The following ADD1 variants were observed in gnomAD, a reference collection of about 807,000 sequenced individuals.
ADD1 encodes the protein alpha-adducin.
In ADD1, 24 loss-of-function variants were observed where a neutral mutation model predicts 80.5. The observed-to-expected ratio is 0.30, with a 90% confidence interval of 0.22 to 0.42. The LOEUF (loss-of-function observed/expected upper bound fraction) is 0.42. Among genes scored for constraint, ADD1 ranks in the 10% least tolerant of loss-of-function variants. The pLI, the probability that ADD1 is intolerant of heterozygous loss-of-function variation, is 1.00. For missense variants in ADD1, 948 were observed against 1,019.0 expected (o/e 0.93, Z 0.95); for synonymous variants, 373 against 393.8 (o/e 0.95, Z 0.63).
intron 13 of ADD1, among the ~76,000 whole-genome samples, chr4:2,913,483 T>C (rs924855994): frequency 2.0e-5 from 3 of 152,200 alleles, no homozygotes; most frequent in East Asian, 1.9e-4. Context: ...GAAAAGCCAA[T>C]GGGCCTCGAG....
At chr4:2,846,322 T>C (rs1365926826) in intron 1 of ADD1, among the ~76,000 whole-genome samples, 1 of 152,242 alleles carries the variant, frequency 6.6e-6, no homozygotes, top group African/African-American at 2.4e-5. Context: ...CTCTGTGGCA[T>C]AGTTTCACAG....
intron 10 of ADD1, among the ~76,000 whole-genome samples, chr4:2,907,031 G>C (rs1737174968): frequency 6.6e-6 from 1 of 152,198 alleles, no homozygotes; most frequent in Non-Finnish European, 1.5e-5. Context: ...GGAAGGCTCA[G>C]CATGCTGACG....
intron 1 of ADD1, among the ~76,000 whole-genome samples, chr4:2,849,727 C>A (rs2108777946): frequency 6.6e-6 from 1 of 152,302 alleles, no homozygotes; most frequent in African/African-American, 2.4e-5. Context: ...AAAATGTTTT[C>A]CCTCATCTGC....
At chr4:2,859,363 G>A (rs12509447) in intron 1 of ADD1, among the ~76,000 whole-genome samples, 27,547 of 152,066 alleles carry the variant, frequency 0.18, 2,949 homozygotes, top group South Asian at 0.4. Context: ...AATTATAGAA[G>A]ATAGTAGTCT....
At chr4:2,882,144 A>G in intron 3 of ADD1, 84 bp downstream of exon 3, 2 of 1,277,362 alleles carry the variant, frequency 1.6e-6, no homozygotes, top group African/African-American at 1.5e-5. Flanking sequence ...ATAAGTGGGC[A>G]TTTAACTGTA....
intron 13 of ADD1, among the ~76,000 whole-genome samples, chr4:2,912,116 C>G (rs1056430105): frequency 6.6e-6 from 1 of 152,202 alleles, no homozygotes; most frequent in Non-Finnish European, 1.5e-5. Context: ...GGGTGGAGCT[C>G]TTGTTCCACC....
chr4:2,926,298 G>T lies in ADD1; in HGVS notation c.2047+186G>T, dbSNP rs933942249. ...GGGTAACTCCAGGCAAAACAGATTT[G>T]TATGTGAGCTGTGACCAGGTAGGAA... is the stretch of plus-strand genomic sequence containing the variant. On this transcript the variant is annotated intron_variant, in intron 15 of 15. Coordinates refer to ENST00000683351, the MANE Select transcript of ADD1 (RefSeq NM_001354761.2). The surrounding 1 kb of genome is among the most constrained non-coding windows in gnomAD (Gnocchi z 5.0). The T allele has an allele frequency of 2.8e-6, 2 of 726,226 alleles. No individual in the cohort carries two copies. The highest frequency in any genetic ancestry group is 5.0e-6 in the Non-Finnish European group (2 of 403,484). The allele number at this position is 726,226 out of a possible 1,614,324, so 45.0% of individuals were successfully genotyped here.
rs1307601337 is a variant in ADD1, at chr4:2,850,077, A to G, written c.-21+6053A>G. Among the ~76,000 whole-genome samples, 4 of 152,318 alleles carry G rather than the reference A, an allele frequency of 2.6e-5. No homozygotes were observed. The East Asian group carries it at 7.7e-4, about 29-fold the overall frequency. On this transcript the variant is annotated intron_variant, in intron 1 of 15. Transcript: ENST00000683351. Reference sequence around the variant, plus strand: ...AAACACCCCAGATGTCCATCAGCTAATGAGTGGATCAACAAAATGTGGTCT... The same window carrying G: ...AAACACCCCAGATGTCCATCAGCTAGTGAGTGGATCAACAAAATGTGGTCT...
rs990465277 is a variant in ADD1, at chr4:2,927,117, G to A, written c.2047+1005G>A. ...GCAGAGGAGCGGATATTGGACCCTCGTAAAGCAGTGTGATGTTCACTCAGA... is the reference window on the plus strand; with the variant it reads ...GCAGAGGAGCGGATATTGGACCCTCATAAAGCAGTGTGATGTTCACTCAGA... On this transcript the variant is annotated intron_variant, in intron 15 of 15. Transcript: ENST00000683351. Among the ~76,000 whole-genome samples the A allele has an allele frequency of 5.9e-5, 9 of 152,340 alleles. No homozygotes were observed. The South Asian group carries it at 8.3e-4, about 14-fold the overall frequency.
chr4:2,910,874 G>C (rs1037662105), intron 13 of ADD1, among the ~76,000 whole-genome samples: 7 of 152,172 alleles, frequency 4.6e-5, no homozygotes, highest in Non-Finnish European at 1.0e-4. Context: ...AAGAGAGCTT[G>C]ACCACCTGGA....
chr4:2,880,710 C>T (rs910517975), intron 2 of ADD1, among the ~76,000 whole-genome samples: 3 of 151,720 alleles, frequency 2.0e-5, no homozygotes, highest in Non-Finnish European at 2.9e-5. Context: ...CTCCTGACCT[C>T]GTGATCCGCC....
intron 9 of ADD1, chr4:2,901,420 G>C: frequency 6.6e-6 from 1 of 152,166 alleles, no homozygotes. Flanking sequence ...AGGGAAGGAA[G>C]ATAAGGATGA....
chr4:2,924,494 G>C (rs1248793537), intron 14 of ADD1, among the ~76,000 whole-genome samples: 1 of 152,184 alleles, frequency 6.6e-6, no homozygotes, highest in Non-Finnish European at 1.5e-5. Context: ...TGAAACCTCA[G>C]TGTGCTTCTC....
In ADD1 at chr4:2,892,652, A is replaced by C. The variant is rs1734489265; in HGVS notation, c.511-1361A>C. Among the ~76,000 whole-genome samples, 4 of 152,068 alleles carry C rather than the reference A, an allele frequency of 2.6e-5. No homozygotes were observed. In the East Asian group the frequency reaches 7.7e-4, roughly 29 times the overall value. On this transcript the variant is annotated intron_variant, in intron 4 of 15. Transcript: ENST00000683351. Reference sequence around the variant, plus strand: ...CAAGACCAGCCTGGGCAACTTAGTGAGACCCCATCTCTACCAAAATAAAAA... The same window carrying C: ...CAAGACCAGCCTGGGCAACTTAGTGCGACCCCATCTCTACCAAAATAAAAA...
At chr4:2,875,493 CAG>C (rs1327882592) in intron 1 of ADD1, among the ~76,000 whole-genome samples, 1 of 152,148 alleles carries the variant, frequency 6.6e-6, no homozygotes, top group Non-Finnish European at 1.5e-5. Flanking sequence ...GAAAAAAAAT[CAG>C]AAATCAAATT....
chr4:2,909,487 C>A, intron 13 of ADD1, 56 bp downstream of exon 13: 3 of 1,110,544 alleles, frequency 2.7e-6, no homozygotes, highest in Non-Finnish European at 2.5e-6. Context: ...CCTCCCCTCC[C>A]CCCTCCCCGT....
At chr4:2,881,791 C>A in intron 2 of ADD1, 107 bp from the exon 3 acceptor site, 1 of 862,950 alleles carries the variant, frequency 1.2e-6, no homozygotes, top group Non-Finnish European at 1.7e-6. Context: ...TTTGCCTTTC[C>A]AGCACTGGAT....
At chr4:2,852,207 C>CCTTTCCTTTCTTTCCTTTCCTTT (rs1727300672) in intron 1 of ADD1, among the ~76,000 whole-genome samples, 3 of 66,102 alleles carry the variant, frequency 4.5e-5, no homozygotes, top group African/African-American at 1.8e-4. Context: ...TCCTTTCTTT[C>CCTTTCCTTTCTTTCCTTTCCTTT]CTTTCCTTTC....
chr4:2,844,903 C>G (rs140242459), intron 1 of ADD1: 1 of 152,204 alleles, frequency 6.6e-6, no homozygotes, highest in Non-Finnish European at 1.5e-5. Context: ...AAATAGAATG[C>G]TGATAGGTCG....
Sources: gnomAD v4.1 joint callset for allele counts (sites outside exome capture counted in the v4.1 genomes callset) on GRCh38, gnomAD v4.1.1 for gene constraint, Gnocchi (gnomAD v3.1) non-coding constraint, MANE v1.5 for transcripts, NCBI Gene and HGNC (gene_info 2026-07-23, HGNC 2026-07-21) for gene names.